Variants in ELFN1 observed in about 807,000 individuals in gnomAD.
ELFN1 encodes the protein protein ELFN1.
Under a neutral mutation model 7.6 loss-of-function variants are expected in ELFN1, and 6 were observed. The observed-to-expected ratio is 0.79, with a 90% CI of 0.43 to 1.56. ELFN1 has a LOEUF of 1.56. ELFN1 is among the 40% of genes most tolerant of loss of function. The pLI is 0.01. For synonymous variants in ELFN1, 657 were observed against 588.1 expected (o/e 1.12, Z -1.70); for missense variants, 1,169 against 1,232.2 (o/e 0.95, Z 0.77).
At chr7:1,699,130 C>T (rs1779374352) in intron 2 of ELFN1, among the ~76,000 whole-genome samples, 1 of 152,244 alleles carries the variant, frequency 6.6e-6, no homozygotes, top group Non-Finnish European at 1.5e-5. Flanking sequence ...CCTTCCTCTT[C>T]ATTGCCGTAT....
chr7:1,715,666 A>G (rs941871369), intron 3 of ELFN1, among the ~76,000 whole-genome samples: 3 of 151,924 alleles, frequency 2.0e-5, no homozygotes, highest in Non-Finnish European at 4.4e-5. Context: ...TCCTCCTGTA[A>G]TTTACATCCT....
At chr7:1,720,889 C>T (rs1006005632) in intron 3 of ELFN1, among the ~76,000 whole-genome samples, 1 of 152,160 alleles carries the variant, frequency 6.6e-6, no homozygotes, top group African/African-American at 2.4e-5. Context: ...TCCGCTGGTA[C>T]AGAGGCAGCC....
At chr7:1,696,934 A>G (rs1050567256) in intron 2 of ELFN1, among the ~76,000 whole-genome samples, 5 of 152,212 alleles carry the variant, frequency 3.3e-5, no homozygotes, top group Non-Finnish European at 7.3e-5. Flanking sequence ...CGAGGGCCAC[A>G]GGAAATGACC....
chr7:1,732,294 C>A (rs186944531), intron 3 of ELFN1, among the ~76,000 whole-genome samples: 48 of 152,260 alleles, frequency 3.2e-4, no homozygotes, highest in Non-Finnish European at 5.9e-4. Context: ...GCAAGAAGTC[C>A]AGGCGAATCA....
rs972450751 is a variant in ELFN1 at position 1,735,336 on chromosome 7, G to A, written c.-293-8968G>A. On this transcript the variant is annotated intron_variant, in intron 3 of 3. Coordinates refer to ENST00000424383, the MANE Select transcript of ELFN1 (RefSeq NM_001128636.4). This position sits in a 1 kb window ranked among gnomAD's most constrained non-coding sequence, Gnocchi z 5.9. ...CACATGGTAAGGTCGTCAGGCACTC[G>A]GCACCGTTCCCATAGCCCCTTGACC... Among the ~76,000 whole-genome samples, 1 of 152,044 alleles carries A rather than the reference G, an allele frequency of 6.6e-6. No individual in the cohort carries two copies. The highest frequency in any genetic ancestry group is 1.9e-4 in the East Asian group (1 of 5,156).
rs377429058 is a variant in ELFN1, at chr7:1,695,025, G to A, written c.-456+6875G>A. On this transcript the variant is annotated intron_variant, in intron 2 of 3. Transcript: ENST00000424383. The surrounding 1 kb of genome is among the most constrained non-coding windows in gnomAD (Gnocchi z 5.1). ...CTGTTGAGTGCTGCAGAGGGGCGTC[G>A]GGCGTCGTGCACATGTGCCCATCCC... 3.3e-5 allele frequency among the ~76,000 whole-genome samples: 5 copies of A among 152,326 alleles called. No individual in the cohort carries two copies. Among genetic ancestry groups the A allele is most frequent in the East Asian group, 1.9e-4 (1 of 5,172 alleles).
chr7:1,715,955 G>GC (rs1400322770), intron 3 of ELFN1, among the ~76,000 whole-genome samples: 3 of 152,346 alleles, frequency 2.0e-5, no homozygotes, highest in African/African-American at 7.2e-5. Context: ...TCTCTGACCT[G>GC]CTGTTTGGCA....
chr7:1,708,370 A>T (rs115541390), intron 2 of ELFN1, among the ~76,000 whole-genome samples: 4,376 of 152,308 alleles, frequency 0.029, 225 homozygotes, highest in African/African-American at 0.1. Context: ...TGGGTGGACG[A>T]ATGACCTGAC....
chr7:1,746,214 G>A lies in ELFN1; in HGVS notation c.1618G>A (p.Glu540Lys). Residue 540 changes from glutamate (E) to lysine (K), a missense_variant, in exon 4 of 4, where the codon GAG becomes AAG. Physicochemically the swap from Glu to Lys is moderately conservative, Grantham distance 56 (BLOSUM62 1). This residue lies in a region of ELFN1 where 914 missense variants were observed against 872.6 expected (regional missense o/e 1.05). Coordinates refer to ENST00000424383, the MANE Select transcript of ELFN1 (RefSeq NM_001128636.4). ...GGACCCTCCGGAACGCAGGGACTGTGAGCTGGGCCGGCCGGGCCCCGACAG... is the reference window on the plus strand; with the variant it reads ...GGACCCTCCGGAACGCAGGGACTGTAAGCTGGGCCGGCCGGGCCCCGACAG... ...TGDPPERRDC[E>K]LGRPGPDSQS... The A allele has an allele frequency of 1.9e-6, 3 of 1,556,190 alleles. No homozygotes were observed. Among genetic ancestry groups the A allele is most frequent in the Non-Finnish European group, 2.6e-6 (3 of 1,151,462 alleles).
chr7:1,717,850 C>G (rs1779881720), intron 3 of ELFN1, among the ~76,000 whole-genome samples: 1 of 152,172 alleles, frequency 6.6e-6, no homozygotes, highest in Non-Finnish European at 1.5e-5. Context: ...TGTAGTCCTG[C>G]TTCTCCTCCC....
chr7:1,715,410 C>G (rs1192728001), intron 3 of ELFN1, among the ~76,000 whole-genome samples: 1 of 152,178 alleles, frequency 6.6e-6, no homozygotes, highest in African/African-American at 2.4e-5. Context: ...AGGGCACCCC[C>G]TGCCTCCATC....
rs912229001 is a variant in ELFN1 at position 1,740,838 on chromosome 7, G to A, written c.-293-3466G>A. On this transcript the variant is annotated intron_variant, in intron 3 of 3. Coordinates refer to ENST00000424383, the MANE Select transcript of ELFN1 (RefSeq NM_001128636.4). The surrounding 1 kb of genome is among the most constrained non-coding windows in gnomAD (Gnocchi z 5.0). ...AAGTGAGCTGCAGAATGAAAACTTC[G>A]GGGCCCCTTGGCTGGGCATGGTGGC... 1.5e-4 allele frequency among the ~76,000 whole-genome samples: 23 copies of A among 152,156 alleles called. No individual in the cohort carries two copies. Among genetic ancestry groups the A allele is most frequent in the African/African-American group, 5.3e-4 (22 of 41,436 alleles).
intron 3 of ELFN1, among the ~76,000 whole-genome samples, chr7:1,721,123 C>G (rs181764951): frequency 1.3e-4 from 20 of 152,296 alleles, no homozygotes; most frequent in African/African-American, 4.8e-4. Flanking sequence ...CTGTAATGAG[C>G]TCTCTCATCC....
intron 3 of ELFN1, among the ~76,000 whole-genome samples, chr7:1,734,795 C>T (rs748811854): frequency 7.2e-5 from 11 of 152,030 alleles, no homozygotes; most frequent in East Asian, 3.9e-4. Context: ...CCTCCTGAGC[C>T]GGTGGGATCC....
chr7:1,741,562 C>T (rs1224147163), intron 3 of ELFN1, among the ~76,000 whole-genome samples: 4 of 152,094 alleles, frequency 2.6e-5, no homozygotes, highest in Non-Finnish European at 5.9e-5. Context: ...TTCTTATACT[C>T]ACAATGGGGG....
chr7:1,669,846 C>T (rs1178023916), upstream of ELFN1, among the ~76,000 whole-genome samples: 4 of 147,806 alleles, frequency 2.7e-5, no homozygotes, highest in African/African-American at 7.7e-5. Flanking sequence ...GTTCAGCCAA[C>T]AGCTGTCGCC....
chr7:1,712,015 C>T (rs559618027), intron 3 of ELFN1, among the ~76,000 whole-genome samples: 1 of 152,188 alleles, frequency 6.6e-6, no homozygotes, highest in Non-Finnish European at 1.5e-5. Context: ...CTGTGCGGAC[C>T]CCAGGCCTTT....
intron 3 of ELFN1, among the ~76,000 whole-genome samples, chr7:1,727,923 T>A (rs931695897): frequency 1.3e-5 from 2 of 152,148 alleles, no homozygotes; most frequent in Non-Finnish European, 2.9e-5. Flanking sequence ...TAGTCCTTAT[T>A]TGCAGCCTGT....
At chr7:1,738,715 C>T (rs1429197104) in intron 3 of ELFN1, 2 of 152,106 alleles carry the variant, frequency 1.3e-5, no homozygotes, top group Non-Finnish European at 2.9e-5. Flanking sequence ...CATCCCAGCC[C>T]GTGCGCAGCG....
Sources: gnomAD v4.1 joint callset for allele counts (sites outside exome capture counted in the v4.1 genomes callset) on GRCh38, gnomAD v4.1.1 for gene constraint, gnomAD v4.1.1 regional missense constraint, Gnocchi (gnomAD v3.1) non-coding constraint, MANE v1.5 for transcripts, NCBI Gene and HGNC (gene_info 2026-07-23, HGNC 2026-07-21) for gene names.